ABTB3: variants seen among roughly 807,000 people sequenced by gnomAD.
The protein encoded by ABTB3 is ankyrin repeat and BTB domain containing 3.
the ABTB3 span, among the ~76,000 whole-genome samples, chr12:107,336,104 A>G: frequency 6.6e-6 from 1 of 152,044 alleles, no homozygotes; most frequent in African/African-American, 2.4e-5. Context: ...CAGAGGTAGA[A>G]CTCATCAAAG....
At chr12:107,330,634 C>T in the ABTB3 span, among the ~76,000 whole-genome samples, 43 of 152,286 alleles carry the variant, frequency 2.8e-4, no homozygotes, top group African/African-American at 9.4e-4. Flanking sequence ...AGAGCTGGAA[C>T]CGGTATCCCA....
At chr12:107,436,418 TG>T in the ABTB3 span, among the ~76,000 whole-genome samples, 1 of 152,214 alleles carries the variant, frequency 6.6e-6, no homozygotes, top group East Asian at 1.9e-4. Context: ...CAGTGAACTC[TG>T]GGGCTGTGTT....
the ABTB3 span, among the ~76,000 whole-genome samples, chr12:107,530,319 G>C: frequency 4.2e-4 from 64 of 152,304 alleles, no homozygotes; most frequent in Non-Finnish European, 6.3e-4. Flanking sequence ...TTTAATGGAA[G>C]TTTTTGAGAG....
the ABTB3 span, among the ~76,000 whole-genome samples, chr12:107,427,697 T>C: frequency 3.9e-5 from 6 of 152,316 alleles, no homozygotes; most frequent in South Asian, 6.2e-4. Context: ...TAGTTCATCA[T>C]TGGGGTGCCA....
the ABTB3 span, among the ~76,000 whole-genome samples, chr12:107,342,826 G>T: frequency 6.6e-6 from 1 of 152,116 alleles, no homozygotes; most frequent in Non-Finnish European, 1.5e-5. Context: ...TCTTGGGGTT[G>T]CTCCCATCCA....
At chr12:107,553,562 C>T in the ABTB3 span, among the ~76,000 whole-genome samples, 1 of 152,094 alleles carries the variant, frequency 6.6e-6, no homozygotes. Flanking sequence ...CCAGAAGAGG[C>T]TTTGGATGCA....
chr12:107,465,409 A>C, the ABTB3 span, among the ~76,000 whole-genome samples: 1 of 151,982 alleles, frequency 6.6e-6, no homozygotes, highest in Non-Finnish European at 1.5e-5. Flanking sequence ...TCTGCTTACA[A>C]CTGTGTTCCT....
the ABTB3 span, among the ~76,000 whole-genome samples, chr12:107,464,949 T>TACACACACACAC: frequency 2.0e-5 from 3 of 146,544 alleles, no homozygotes; most frequent in African/African-American, 7.5e-5. Flanking sequence ...CTCCCTACCT[T>TACACACACACAC]ACACACACAC....
At chr12:107,484,597 C>CTTT in the ABTB3 span, among the ~76,000 whole-genome samples, 28 of 140,016 alleles carry the variant, frequency 2.0e-4, no homozygotes, top group Non-Finnish European at 3.0e-4. Context: ...TCTGATCTGA[C>CTTT]TTTTTTTTTT....
At chr12:107,589,422 G>A in the ABTB3 span, among the ~76,000 whole-genome samples, 1 of 152,342 alleles carries the variant, frequency 6.6e-6, no homozygotes, top group Non-Finnish European at 1.5e-5. Context: ...GTCCCCACCT[G>A]TGACTCCAGT....
the ABTB3 span, among the ~76,000 whole-genome samples, chr12:107,480,029 C>T: frequency 2.2e-4 from 33 of 152,240 alleles, no homozygotes; most frequent in African/African-American, 7.0e-4. Context: ...ACAGCCAGAA[C>T]ATATAGTGGC....
the ABTB3 span, among the ~76,000 whole-genome samples, chr12:107,369,706 G>GTTTTTTT: frequency 5.3e-5 from 4 of 74,772 alleles, no homozygotes; most frequent in African/African-American, 1.8e-4. Flanking sequence ...GCCCAAACAT[G>GTTTTTTT]GTTTTTTTTT....
At chr12:107,590,268 G>A in the ABTB3 span, among the ~76,000 whole-genome samples, 1 of 152,186 alleles carries the variant, frequency 6.6e-6, no homozygotes, top group Non-Finnish European at 1.5e-5. Flanking sequence ...TAATAGACAG[G>A]TGACAACTCA....
chr12:107,385,946 G>A, the ABTB3 span, among the ~76,000 whole-genome samples: 5 of 152,212 alleles, frequency 3.3e-5, no homozygotes, highest in Non-Finnish European at 5.9e-5. Context: ...TGAGGATTGT[G>A]TGGAGTTTCA....
chr12:107,649,232 T>A, the ABTB3 span: 1 of 1,613,714 alleles, frequency 6.2e-7, no homozygotes, highest in Non-Finnish European at 8.5e-7. Flanking sequence ...TCTACTATGG[T>A]GGCCCAGAGT....
At chr12:107,362,811 A>G in the ABTB3 span, among the ~76,000 whole-genome samples, 8 of 151,974 alleles carry the variant, frequency 5.3e-5, no homozygotes, top group African/African-American at 9.7e-5. Flanking sequence ...AAAGATAGCT[A>G]ATTTGTACTG....
At chr12:107,586,301 C>T in the ABTB3 span, among the ~76,000 whole-genome samples, 1 of 152,136 alleles carries the variant, frequency 6.6e-6, no homozygotes, top group Non-Finnish European at 1.5e-5. Context: ...ATTCAGACCT[C>T]GGGCCTCCCC....
chr12:107,403,191 C>T, the ABTB3 span, among the ~76,000 whole-genome samples: 1 of 152,182 alleles, frequency 6.6e-6, no homozygotes, highest in Non-Finnish European at 1.5e-5. Flanking sequence ...AAGTGGGCCC[C>T]ATTTACTTCC....
At chr12:107,618,634 A>G in the ABTB3 span, among the ~76,000 whole-genome samples, 1 of 152,152 alleles carries the variant, frequency 6.6e-6, no homozygotes, top group Non-Finnish European at 1.5e-5. Context: ...CCATCTTTCC[A>G]TGATTCCCAA....
Sources: gnomAD v4.1 joint callset for allele counts (sites outside exome capture counted in the v4.1 genomes callset) on GRCh38, gnomAD v4.1.1 for gene constraint, MANE v1.5 for transcripts, NCBI Gene and HGNC (gene_info 2026-07-23, HGNC 2026-07-21) for gene names.